The following FRMPD1 variants were observed in gnomAD, a reference collection of about 807,000 sequenced individuals.
FRMPD1 encodes the protein FERM and PDZ domain containing 1.
A neutral mutation model predicts 117.8 loss-of-function variants in FRMPD1; 76 were observed. The ratio of observed to expected loss-of-function variants is 0.65; its 90% CI spans 0.54 to 0.78. FRMPD1 has a LOEUF of 0.78. Ranked by LOEUF, FRMPD1 falls within the 30% of genes least tolerant of loss-of-function variation. The pLI is 0.00. For synonymous variants in FRMPD1, 783 were observed against 770.4 expected (o/e 1.02, Z -0.27); for missense variants, 1,786 against 1,964.5 (o/e 0.91, Z 1.72).
At chr9:37,707,360 G>T in intron 2 of FRMPD1, 56 bp from the exon 3 acceptor site, 1 of 1,505,380 alleles carries the variant, frequency 6.6e-7, no homozygotes, top group Non-Finnish European at 9.1e-7. Context: ...GACCCAGTTC[G>T]TGACCAACAA....
At chr9:37,616,938 C>T in the FRMPD1 span, among the ~76,000 whole-genome samples, 1 of 152,230 alleles carries the variant, frequency 6.6e-6, no homozygotes, top group Non-Finnish European at 1.5e-5. Context: ...AACGACCCCT[C>T]TTAGACTCAG....
chr9:37,689,230 A>C (rs1386817444), intron 1 of FRMPD1, among the ~76,000 whole-genome samples: 2 of 152,082 alleles, frequency 1.3e-5, no homozygotes, highest in Non-Finnish European at 2.9e-5. Flanking sequence ...TATCGTTCCA[A>C]TATCATTACA....
chr9:37,736,036 T>G (rs1285987125), intron 13 of FRMPD1, among the ~76,000 whole-genome samples: 3 of 149,988 alleles, frequency 2.0e-5, no homozygotes, highest in Non-Finnish European at 4.4e-5. Flanking sequence ...AGTCTCACTC[T>G]GTTGCCCAGG....
chr9:37,698,300 G>A (rs1434924950), intron 2 of FRMPD1, among the ~76,000 whole-genome samples: 3 of 152,140 alleles, frequency 2.0e-5, no homozygotes, highest in African/African-American at 7.2e-5. Flanking sequence ...AGGAGATGAC[G>A]ATCTAACTGG....
chr9:37,682,618 T>C (rs1821768129), intron 1 of FRMPD1, among the ~76,000 whole-genome samples: 2 of 152,198 alleles, frequency 1.3e-5, no homozygotes, highest in South Asian at 4.1e-4. Context: ...CTAGGTTTTA[T>C]CTGGAGGGAG....
chr9:37,668,136 A>G (rs141121382), intron 1 of FRMPD1: 2 of 152,378 alleles, frequency 1.3e-5, no homozygotes, highest in East Asian at 3.9e-4. Flanking sequence ...AGAGGAAGCC[A>G]GTTTGCCAAT....
At chr9:37,733,414 T>A in intron 10 of FRMPD1, 59 bp from the exon 11 acceptor site, 1 of 1,534,994 alleles carries the variant, frequency 6.5e-7, no homozygotes, top group Non-Finnish European at 8.9e-7. Flanking sequence ...ATTATGCTCT[T>A]CATTAGAGCC....
At chr9:37,674,786 A>T (rs767864630) in intron 1 of FRMPD1, among the ~76,000 whole-genome samples, 18 of 152,180 alleles carry the variant, frequency 1.2e-4, no homozygotes, top group Non-Finnish European at 1.5e-5. Context: ...CACTATCATG[A>T]GAATAGCACA....
the FRMPD1 span, among the ~76,000 whole-genome samples, chr9:37,612,459 C>A: frequency 6.6e-6 from 1 of 151,998 alleles, no homozygotes; most frequent in African/African-American, 2.4e-5. Flanking sequence ...AGCGATTCTC[C>A]TGCCTCAGCC....
chr9:37,695,654 T>A (rs909035482), intron 2 of FRMPD1, among the ~76,000 whole-genome samples: 3 of 152,064 alleles, frequency 2.0e-5, no homozygotes, highest in Admixed American at 6.5e-5. Flanking sequence ...TTCCTAGGAA[T>A]AGACTAAATG....
the FRMPD1 span, among the ~76,000 whole-genome samples, chr9:37,618,809 C>T: frequency 2.6e-5 from 4 of 152,196 alleles, no homozygotes; most frequent in Non-Finnish European, 5.9e-5. Flanking sequence ...AGAAATCTTG[C>T]TCACCTTTCA....
At chr9:37,701,460 T>G (rs967940057) in intron 2 of FRMPD1, among the ~76,000 whole-genome samples, 10 of 151,474 alleles carry the variant, frequency 6.6e-5, no homozygotes, top group African/African-American at 2.2e-4. Flanking sequence ...TGATTGGATA[T>G]GTTGGGGAAA....
intron 6 of FRMPD1, among the ~76,000 whole-genome samples, chr9:37,723,231 C>T (rs572480068): frequency 1.3e-5 from 2 of 152,292 alleles, no homozygotes; most frequent in South Asian, 4.1e-4. Flanking sequence ...CCATGTTGAA[C>T]AGTGTGCATG....
At chr9:37,695,122 G>T (rs1822275585) in intron 2 of FRMPD1, among the ~76,000 whole-genome samples, 1 of 152,130 alleles carries the variant, frequency 6.6e-6, no homozygotes, top group South Asian at 2.1e-4. Flanking sequence ...GAACAATTGT[G>T]TAAAAGTTTT....
At chr9:37,630,852 G>A in the FRMPD1 span, among the ~76,000 whole-genome samples, 1 of 152,206 alleles carries the variant, frequency 6.6e-6, no homozygotes, top group Non-Finnish European at 1.5e-5. Context: ...GTTATTCAGT[G>A]CAGGGATGAA....
the FRMPD1 span, chr9:37,637,177 G>A: frequency 6.2e-7 from 1 of 1,609,532 alleles, no homozygotes; most frequent in Non-Finnish European, 8.5e-7. Context: ...CCCCGATGGT[G>A]CTGATGTAGC....
chr9:37,682,555 A>G (rs1821765416), intron 1 of FRMPD1, among the ~76,000 whole-genome samples: 1 of 152,270 alleles, frequency 6.6e-6, no homozygotes, highest in Admixed American at 6.5e-5. Context: ...AGGCAAAGCC[A>G]GGAAGGAAAC....
the FRMPD1 span, among the ~76,000 whole-genome samples, chr9:37,632,407 G>C: frequency 6.6e-6 from 1 of 152,172 alleles, no homozygotes; most frequent in Non-Finnish European, 1.5e-5. Context: ...AATTTACTGT[G>C]GTATTACCTG....
chr9:37,724,193 C>A, intron 6 of FRMPD1, 32 bp from the exon 7 acceptor site: 1 of 1,110,650 alleles, frequency 9.0e-7, no homozygotes, highest in Non-Finnish European at 1.4e-6. Flanking sequence ...TAAAAAAAGA[C>A]AGGGATACAA....
Sources: gnomAD v4.1 joint callset for allele counts (sites outside exome capture counted in the v4.1 genomes callset) on GRCh38, gnomAD v4.1.1 for gene constraint, MANE v1.5 for transcripts, NCBI Gene and HGNC (gene_info 2026-07-23, HGNC 2026-07-21) for gene names.